The following PSD3 variants were observed in gnomAD, a reference collection of about 807,000 sequenced individuals.
PSD3 encodes pleckstrin and Sec7 domain containing 3.
PSD3 carries 49 observed loss-of-function variants against 105.5 expected under a neutral mutation model. The observed-to-expected ratio is 0.46, with a 90% CI of 0.37 to 0.59. The LOEUF (loss-of-function observed/expected upper bound fraction) is 0.59, where lower values mean the gene tolerates loss of function less well. Ranked by LOEUF, PSD3 falls within the 20% of genes least tolerant of loss-of-function variation. The pLI is 0.00. For synonymous variants in PSD3, 557 were observed against 457.8 expected (o/e 1.22, Z -2.77); for missense variants, 1,561 against 1,263.8 (o/e 1.24, Z -3.57).
intron 10 of PSD3, among the ~76,000 whole-genome samples, chr8:18,641,070 G>A (rs1413341803): frequency 6.6e-6 from 1 of 152,164 alleles, no homozygotes; most frequent in Non-Finnish European, 1.5e-5. Context: ...CACAGCAGAG[G>A]CTTGACTTCA....
intron 1 of PSD3, chr8:18,999,904 T>G (rs1826283878): frequency 6.6e-6 from 1 of 151,566 alleles, no homozygotes; most frequent in Non-Finnish European, 1.5e-5. Flanking sequence ...CTTCTAAAAT[T>G]TCGGCTTTAA....
intron 11 of PSD3, among the ~76,000 whole-genome samples, chr8:18,622,548 A>G (rs567166005): frequency 1.3e-4 from 20 of 152,300 alleles, no homozygotes; most frequent in Non-Finnish European, 2.4e-4. Flanking sequence ...TATGGAGCAT[A>G]ACATTATTAT....
At chr8:18,818,793 T>C (rs752098788) in intron 4 of PSD3, among the ~76,000 whole-genome samples, 22 of 152,256 alleles carry the variant, frequency 1.4e-4, no homozygotes, top group Non-Finnish European at 2.4e-4. Context: ...ACAAGGCCTT[T>C]ACATTTATAA....
At chr8:18,700,707 C>CA (rs911697851) in intron 9 of PSD3, among the ~76,000 whole-genome samples, 1 of 151,974 alleles carries the variant, frequency 6.6e-6, no homozygotes, top group Non-Finnish European at 1.5e-5. Flanking sequence ...CTGCAACTTC[C>CA]TTTTTTTTCA....
At chr8:18,949,415 T>C (rs921770742) in intron 1 of PSD3, among the ~76,000 whole-genome samples, 3 of 150,614 alleles carry the variant, frequency 2.0e-5, no homozygotes, top group Non-Finnish European at 4.4e-5. Context: ...TAGGCAAATA[T>C]AAACATTCTG....
chr8:18,617,271 C>A (rs1805765728), intron 11 of PSD3, among the ~76,000 whole-genome samples: 1 of 152,124 alleles, frequency 6.6e-6, no homozygotes, highest in Non-Finnish European at 1.5e-5. Flanking sequence ...TCGCTCATAC[C>A]TGTAATCCCA....
At chr8:18,580,171 C>T (rs564629634) in intron 12 of PSD3, among the ~76,000 whole-genome samples, 1 of 152,232 alleles carries the variant, frequency 6.6e-6, no homozygotes, top group East Asian at 1.9e-4. Flanking sequence ...TAAAAGAGCA[C>T]AGAACCAGCA....
chr8:18,864,615 C>G (rs971802680), intron 4 of PSD3: 1 of 152,136 alleles, frequency 6.6e-6, no homozygotes, highest in Non-Finnish European at 1.5e-5. Flanking sequence ...TCAGAGCTCA[C>G]TTTATGCAAT....
At chr8:18,896,231 AGGTAGAT>A (rs1819139400) in intron 2 of PSD3, among the ~76,000 whole-genome samples, 1 of 152,232 alleles carries the variant, frequency 6.6e-6, no homozygotes, top group Admixed American at 6.5e-5. Context: ...ATGGACACAT[AGGTAGAT>A]TCCCCTTCTT....
intron 15 of PSD3, among the ~76,000 whole-genome samples, chr8:18,540,285 T>C (rs111940701): frequency 4.4e-4 from 67 of 152,376 alleles, no homozygotes; most frequent in African/African-American, 1.6e-3. Context: ...GACTGTATGC[T>C]ATAAACAACT....
chr8:18,600,434 G>T lies in PSD3; in HGVS notation c.2411C>A (p.Thr804Asn). Residue 804 changes from threonine to asparagine, a missense_variant and splice_region_variant, in exon 12 of 16, where the codon ACT (threonine) becomes AAT (asparagine). Thr to Asn is a moderately conservative substitution (Grantham distance 65). Transcript: ENST00000327040. ...TTTCCATCCTCGTTTTCCTCTTGGA[G>T]CTAGAAAGGGGGAAAAAATGTAAAA... The part of the protein sequence containing the change: ...KIHADMDGKK[T>N]PRGKRGWKTF... 1 of 1,598,718 alleles carries T rather than the reference G, an allele frequency of 6.3e-7. No homozygotes were observed. Among genetic ancestry groups the T allele is most frequent in the Non-Finnish European group, 8.5e-7 (1 of 1,174,262 alleles).
intron 1 of PSD3, among the ~76,000 whole-genome samples, chr8:18,998,613 G>A (rs547001372): frequency 2.8e-4 from 43 of 152,112 alleles, no homozygotes; most frequent in Non-Finnish European, 1.0e-4. Context: ...CTTGAACGCG[G>A]GAGGCGGAGG....
intron 12 of PSD3, among the ~76,000 whole-genome samples, chr8:18,585,880 T>A (rs187255942): frequency 3.3e-5 from 5 of 152,270 alleles, no homozygotes; most frequent in Middle Eastern, 6.8e-3. Context: ...AGTGACAGAC[T>A]TGGAGTTTGA....
intron 1 of PSD3, chr8:18,989,210 A>G (rs13274996): frequency 0.42 from 63,390 of 152,004 alleles, 14,088 homozygotes; most frequent in Non-Finnish European, 0.51. Flanking sequence ...TAGACACTGC[A>G]CAATGTTCTA....
At chr8:18,640,374 C>A (rs1807556931) in intron 10 of PSD3, among the ~76,000 whole-genome samples, 1 of 152,082 alleles carries the variant, frequency 6.6e-6, no homozygotes, top group Non-Finnish European at 1.5e-5. Context: ...GTGTCCCCAC[C>A]CAAATTTCAT....
chr8:18,710,991 C>CT (rs562593901), intron 9 of PSD3, among the ~76,000 whole-genome samples: 215 of 148,548 alleles, frequency 1.4e-3, no homozygotes, highest in African/African-American at 5.1e-3. Context: ...TCTCAACATT[C>CT]TTAAAAAAAA....
intron 1 of PSD3, among the ~76,000 whole-genome samples, chr8:19,008,515 G>C (rs946595916): frequency 6.6e-6 from 1 of 152,136 alleles, no homozygotes; most frequent in Non-Finnish European, 1.5e-5. Flanking sequence ...AGTGTCCTAT[G>C]ACTCAATCAA....
intron 1 of PSD3, among the ~76,000 whole-genome samples, chr8:19,047,942 C>CT (rs961659189): frequency 1.1e-3 from 168 of 148,404 alleles, no homozygotes; most frequent in Non-Finnish European, 1.4e-3. Flanking sequence ...GGCTAGATTT[C>CT]TTTTTTTTTT....
At chr8:18,966,099 G>C (rs1824226253) in intron 1 of PSD3, among the ~76,000 whole-genome samples, 1 of 152,224 alleles carries the variant, frequency 6.6e-6, no homozygotes, top group African/African-American at 2.4e-5. Flanking sequence ...CACTCAGTCA[G>C]AGAAAACAGT....
Sources: allele counts gnomAD v4.1 joint callset (sites outside exome capture counted in the v4.1 genomes callset), GRCh38; gene constraint gnomAD v4.1.1; transcripts MANE v1.5; gene names NCBI Gene and HGNC (gene_info 2026-07-23, HGNC 2026-07-21).